The following DYRK1A variants were observed in gnomAD, a reference collection of about 807,000 sequenced individuals.
DYRK1A encodes dual specificity tyrosine phosphorylation regulated kinase 1A.
In DYRK1A, 9 loss-of-function variants were observed where a neutral mutation model predicts 79.7. The observed-to-expected ratio is 0.11, with a 90% confidence interval of 0.07 to 0.20. DYRK1A has a LOEUF of 0.20. Ranked by LOEUF, DYRK1A falls within the 10% of genes least tolerant of loss-of-function variation. The pLI is 1.00. For synonymous variants in DYRK1A, 349 were observed against 329.7 expected (o/e 1.06, Z -0.63); for missense variants, 622 against 956.0 (o/e 0.65, Z 4.61).
intron 1 of DYRK1A, among the ~76,000 whole-genome samples, chr21:37,391,680 T>G (rs1037763596): frequency 3.9e-5 from 6 of 152,252 alleles, no homozygotes; most frequent in African/African-American, 1.4e-4. Context: ...TTGTATGGAA[T>G]GAAGACAAAT....
chr21:37,452,334 T>C lies in DYRK1A; in HGVS notation c.11-20350T>C, dbSNP rs142940243. On this transcript the variant is annotated intron_variant, in intron 2 of 11. Coordinates refer to ENST00000647188, the MANE Select transcript of DYRK1A (RefSeq NM_001347721.2). ...CATTCCAGAGGCCAAAGTCACAGAA[T>C]GTAGTTAGATTGAGGGGGATTGAGG... 4.9e-3 allele frequency among the ~76,000 whole-genome samples: 675 copies of C among 136,718 alleles called. 7 individuals carry two copies. Among genetic ancestry groups the C allele is most frequent in the African/African-American group, 0.017 (631 of 36,286 alleles). 89.7% of individuals were successfully genotyped at this position (136,718 alleles called of 152,430 possible).
intron 7 of DYRK1A, among the ~76,000 whole-genome samples, chr21:37,490,796 G>T (rs1183290463): frequency 6.6e-6 from 1 of 151,740 alleles, no homozygotes; most frequent in Admixed American, 6.6e-5. Flanking sequence ...TTTGAAATGG[G>T]TATATTTAAA....
At chr21:37,473,036 A>T (rs891765113) in intron 3 of DYRK1A, among the ~76,000 whole-genome samples, 156 bp downstream of exon 3, 6 of 149,110 alleles carry the variant, frequency 4.0e-5, no homozygotes, top group South Asian at 2.1e-4. Context: ...TTTGCATTAA[A>T]TTTTTTTTTT....
chr21:37,402,188 A>G (rs2050065745), intron 1 of DYRK1A, among the ~76,000 whole-genome samples: 1 of 147,848 alleles, frequency 6.8e-6, no homozygotes, highest in African/African-American at 2.4e-5. Context: ...GTTTTTAAAT[A>G]TAAGTATCCA....
chr21:37,502,507 A>T (rs1235824404), intron 9 of DYRK1A: 1 of 152,200 alleles, frequency 6.6e-6, no homozygotes, highest in East Asian at 1.9e-4. Context: ...CTTGTTAAAC[A>T]GTGTGATAAC....
At chr21:37,375,619 G>A (rs2049523717) in intron 1 of DYRK1A, among the ~76,000 whole-genome samples, 1 of 139,770 alleles carries the variant, frequency 7.2e-6, no homozygotes, top group Non-Finnish European at 1.5e-5. Context: ...TCCGCCTTCC[G>A]GGTTCCAGCA....
At chr21:37,491,412 C>T (rs941272905) in intron 7 of DYRK1A, among the ~76,000 whole-genome samples, 3 of 152,100 alleles carry the variant, frequency 2.0e-5, no homozygotes, top group South Asian at 2.1e-4. Context: ...TAAAGAAACC[C>T]GGCTAACATA....
At chr21:37,468,059 T>C (rs1317596415) in intron 2 of DYRK1A, among the ~76,000 whole-genome samples, 2 of 152,200 alleles carry the variant, frequency 1.3e-5, no homozygotes, top group Non-Finnish European at 2.9e-5. Context: ...GGATTTGTTT[T>C]GGTGGATTTG....
At chr21:37,459,421 C>CA (rs1443581881) in intron 2 of DYRK1A, among the ~76,000 whole-genome samples, 3 of 152,164 alleles carry the variant, frequency 2.0e-5, no homozygotes, top group Non-Finnish European at 4.4e-5. Context: ...ATTAGGACCC[C>CA]AAATATTTGT....
At chr21:37,373,404 T>TA (rs540111841) in intron 1 of DYRK1A, among the ~76,000 whole-genome samples, 145 of 152,328 alleles carry the variant, frequency 9.5e-4, no homozygotes, top group African/African-American at 3.4e-3. Context: ...ATTTAAGAGT[T>TA]ACGATAAATT....
intron 2 of DYRK1A, among the ~76,000 whole-genome samples, chr21:37,425,303 C>T (rs1413267982): frequency 1.3e-5 from 2 of 152,022 alleles, no homozygotes; most frequent in African/African-American, 2.4e-5. Flanking sequence ...TTTTTAATGC[C>T]TAAAAATAAG....
In DYRK1A at chr21:37,518,152, G is replaced by A. The variant is rs1219111395; in HGVS notation, c.*5621G>A. 1 of 152,238 alleles carries A rather than the reference G, an allele frequency of 6.6e-6. No individual in the cohort carries two copies. Among genetic ancestry groups the A allele is most frequent in the East Asian group, 1.9e-4 (1 of 5,196 alleles). 9.4% of individuals were successfully genotyped at this position (152,238 alleles called of 1,614,324 possible). On this transcript the variant is annotated 3_prime_UTR_variant, in exon 12 of 12. Transcript: ENST00000647188. The stretch of plus-strand genomic sequence containing the variant: ...GCCTGGGCCTCTCAAACATAAATAG[G>A]CTGGGCGTGGTGGCTCACGTCTGTA...
intron 7 of DYRK1A, among the ~76,000 whole-genome samples, chr21:37,492,120 T>TA (rs1399828139): frequency 1.3e-5 from 2 of 152,204 alleles, no homozygotes; most frequent in East Asian, 3.8e-4. Context: ...TATTGGCTTA[T>TA]AAAAACCATG....
At chr21:37,479,619 G>GTTTTTGTTTTTGTT (rs2052550822) in intron 4 of DYRK1A, among the ~76,000 whole-genome samples, 4 of 73,922 alleles carry the variant, frequency 5.4e-5, no homozygotes, top group East Asian at 6.3e-4. Context: ...TTTGTTTTTT[G>GTTTTTGTTTTTGTT]TTTTTTTTTT....
chr21:37,401,811 G>A (rs1296203001), intron 1 of DYRK1A, among the ~76,000 whole-genome samples: 2 of 151,982 alleles, frequency 1.3e-5, no homozygotes, highest in Non-Finnish European at 2.9e-5. Context: ...GTGAAATTTG[G>A]TTTCTCTTTT....
At chr21:37,474,930 G>T (rs190576436) in intron 3 of DYRK1A, among the ~76,000 whole-genome samples, 2 of 152,256 alleles carry the variant, frequency 1.3e-5, no homozygotes, top group East Asian at 3.9e-4. Flanking sequence ...AACAAGAAAG[G>T]CAGAATACAG....
intron 3 of DYRK1A, among the ~76,000 whole-genome samples, chr21:37,474,469 G>A (rs2052331026): frequency 6.6e-6 from 1 of 152,080 alleles, no homozygotes; most frequent in Non-Finnish European, 1.5e-5. Flanking sequence ...GCCTAATAAG[G>A]GAGTCATATT....
chr21:37,418,195 T>TTAA (rs1344689956), intron 1 of DYRK1A, among the ~76,000 whole-genome samples: 1 of 152,168 alleles, frequency 6.6e-6, no homozygotes, highest in East Asian at 1.9e-4. Flanking sequence ...GAGTCCTTAT[T>TTAA]TAAAGTAATC....
chr21:37,401,431 CT>C (rs1262765982), intron 1 of DYRK1A, among the ~76,000 whole-genome samples: 1 of 150,476 alleles, frequency 6.6e-6, no homozygotes, highest in Non-Finnish European at 1.5e-5. Context: ...TTCTCTACAC[CT>C]TAAGATACGT....
Sources: gnomAD v4.1 joint callset for allele counts (sites outside exome capture counted in the v4.1 genomes callset) on GRCh38, gnomAD v4.1.1 for gene constraint, MANE v1.5 for transcripts, NCBI Gene and HGNC (gene_info 2026-07-23, HGNC 2026-07-21) for gene names.